Variants in RBMXL1 observed in about 807,000 individuals in gnomAD.
RBMXL1 encodes the protein RNA binding motif protein, X-linked-like-1.
Under a neutral mutation model 29.0 loss-of-function variants are expected in RBMXL1, and 18 were observed. The ratio of observed to expected loss-of-function variants is 0.62; its 90% confidence interval spans 0.43 to 0.92. RBMXL1 has a LOEUF of 0.92. Ranked by LOEUF, RBMXL1 falls within the 40% of genes least tolerant of loss-of-function variation. RBMXL1 has a pLI of 0.00. For missense variants in RBMXL1, 403 were observed against 495.8 expected (o/e 0.81, Z 1.78); for synonymous variants, 141 against 170.4 (o/e 0.83, Z 1.34).
rs764921982 is a variant in RBMXL1 at position 88,980,480 on chromosome 1, A to G, written c.*2174T>C. On this transcript the variant is annotated 3_prime_UTR_variant, in exon 3 of 3. Coordinates refer to ENST00000652648, the MANE Select transcript of RBMXL1 (RefSeq NM_001162536.3). The stretch of plus-strand genomic sequence containing the variant: ...ATTAAGTTTCAATACAAAACATTCC[A>G]AAAAGTGAAAAGTGATCTATAATAC... The G allele has an allele frequency of 2.6e-5, 4 of 152,448 alleles. No homozygotes were observed. Among genetic ancestry groups the G allele is most frequent in the Non-Finnish European group, 5.9e-5 (4 of 68,012 alleles). 9.4% of individuals were successfully genotyped at this position (152,448 alleles called of 1,614,324 possible).
intron 2 of RBMXL1, 117 bp from the exon 3 acceptor site, chr1:88,984,183 A>T (rs1677294834): frequency 4.8e-6 from 1 of 206,676 alleles, no homozygotes; most frequent in Non-Finnish European, 9.7e-6. Context: ...TGTATAATTA[A>T]CAGGAGCCCT....
chr1:88,986,247 A>T (rs1677448003), intron 2 of RBMXL1, among the ~76,000 whole-genome samples: 1 of 151,796 alleles, frequency 6.6e-6, no homozygotes, highest in Non-Finnish European at 1.5e-5. Flanking sequence ...GACAGACCTA[A>T]GGAAAAGGTT....
Position 88,991,521 on chromosome 1 carries a change from C to T in RBMXL1, c.-341+1064G>A, listed in dbSNP as rs545366677. On this transcript the variant is annotated intron_variant, in intron 1 of 2. Coordinates refer to ENST00000652648, the MANE Select transcript of RBMXL1 (RefSeq NM_001162536.3). ...CTTCTAGAATGTTTATAAGGTTCACCGATACAACAGAGGGTATCTAGACGG... is the reference window on the plus strand; with the variant it reads ...CTTCTAGAATGTTTATAAGGTTCACTGATACAACAGAGGGTATCTAGACGG... Among the ~76,000 whole-genome samples the T allele has an allele frequency of 2.4e-4, 37 of 152,240 alleles. 1 individual carries two copies. Among genetic ancestry groups the T allele is most frequent in the African/African-American group, 8.7e-4 (36 of 41,530 alleles).
chr1:88,981,926 T>C lies in RBMXL1; in HGVS notation c.*728A>G, dbSNP rs1226710541. ...AGTGAGACATTAGAGTTGCAAAAAT[T>C]TGAAAGAGTAAGAGCAAGCACCTTT... On this transcript the variant is annotated 3_prime_UTR_variant, in exon 3 of 3. Transcript: ENST00000652648. 1.0e-6 allele frequency: 1 copy of C among 974,130 alleles called. No individual in the cohort carries two copies. The highest frequency in any genetic ancestry group is 1.2e-6 in the Non-Finnish European group (1 of 819,364). 60.3% of individuals were successfully genotyped at this position (974,130 alleles called of 1,614,324 possible).
chr1:88,990,978 C>A (rs1427638647), intron 1 of RBMXL1, among the ~76,000 whole-genome samples: 1 of 152,114 alleles, frequency 6.6e-6, no homozygotes, highest in Non-Finnish European at 1.5e-5. Context: ...TCTAGTTTCT[C>A]CCTAAAAACA....
In RBMXL1 at chr1:88,982,890, AATC is replaced by A. The variant is rs763336239; in HGVS notation, c.934_936del (p.Asp312del). 7 of 1,613,952 alleles carry A rather than the reference AATC, an allele frequency of 4.3e-6. No individual in the cohort carries two copies. Among genetic ancestry groups the A allele is most frequent in the South Asian group, 1.1e-5 (1 of 91,080 alleles). ...CCATATCCATCACGTGAGCTGCTAT[AATC>A]ATCATAGCGACTGCTTCCACCATAA... is the stretch of plus-strand genomic sequence containing the variant. On this transcript the variant is annotated inframe_deletion, in exon 3 of 3. Transcript: ENST00000652648.
chr1:88,982,552 A>C lies in RBMXL1; in HGVS notation c.*102T>G, dbSNP rs1367222423. 6.9e-7 allele frequency: 1 copy of C among 1,451,406 alleles called. No individual in the cohort carries two copies. Among genetic ancestry groups the C allele is most frequent in the Non-Finnish European group, 9.2e-7 (1 of 1,083,198 alleles). 89.9% of individuals were successfully genotyped at this position (1,451,406 alleles called of 1,614,324 possible). ...ACAGGGAATTTAAAAAAGGTAACAC[A>C]ATTTTTCCTTTTAGTAGTCCTTGGG... On this transcript the variant is annotated 3_prime_UTR_variant, in exon 3 of 3. Coordinates refer to ENST00000652648, the MANE Select transcript of RBMXL1 (RefSeq NM_001162536.3).
At chr1:88,991,881 T>C (rs1355078791) in intron 1 of RBMXL1, among the ~76,000 whole-genome samples, 1 of 152,168 alleles carries the variant, frequency 6.6e-6, no homozygotes, top group Non-Finnish European at 1.5e-5. Context: ...TCTGCGCCAC[T>C]CGACTCCAAA....
At position 88,983,443 on chromosome 1, in the gene RBMXL1, G is replaced by T; in HGVS notation, c.384C>A (p.His128Gln). The stretch of plus-strand genomic sequence containing the variant: ...TCATGGAATATCCACCATCATCCAT[G>T]TGTCCTCCTCGTGAAGGAGGTCCCC... ...GTRGPPSRGG[H>Q]MDDGGYSMNF... The change falls in exon 3 of 3, where the codon CAC becomes CAA. Residue 128 changes from histidine to glutamine, a missense_variant. Transcript: ENST00000652648. The T allele has an allele frequency of 6.2e-7, 1 of 1,614,180 alleles. No homozygotes were observed. The highest frequency in any genetic ancestry group is 2.2e-5 in the East Asian group (1 of 44,870).
At position 88,979,944 on chromosome 1, in the gene RBMXL1, A is replaced by G. The variant is rs1676996960; in HGVS notation, c.*2710T>C. 1.3e-5 allele frequency: 2 copies of G among 152,338 alleles called. No homozygotes were observed. Among genetic ancestry groups the G allele is most frequent in the Admixed American group, 1.3e-4 (2 of 15,304 alleles). 9.4% of individuals were successfully genotyped at this position (152,338 alleles called of 1,614,324 possible). A position where few individuals can be genotyped will look rare whatever the true frequency, so the allele number is the denominator to read the frequency against. On this transcript the variant is annotated 3_prime_UTR_variant, in exon 3 of 3. Coordinates refer to ENST00000652648, the MANE Select transcript of RBMXL1 (RefSeq NM_001162536.3). ...AGGTCCATCAACAGGTGAGTAGAAAAACAAATAATGGCATATTCACATAAT... is the reference window on the plus strand; with the variant it reads ...AGGTCCATCAACAGGTGAGTAGAAAGACAAATAATGGCATATTCACATAAT...
At chr1:88,984,645 CCTCT>C (rs1302531873) in intron 2 of RBMXL1, among the ~76,000 whole-genome samples, 1 of 152,148 alleles carries the variant, frequency 6.6e-6, no homozygotes, top group African/African-American at 2.4e-5. Context: ...ATTTGGACTC[CCTCT>C]GAGAGATAAT....
chr1:88,991,751 C>A (rs1204029115), intron 1 of RBMXL1, among the ~76,000 whole-genome samples: 1 of 152,232 alleles, frequency 6.6e-6, no homozygotes, highest in Non-Finnish European at 1.5e-5. Context: ...GGCTGCCTGG[C>A]TGATAGCAGG....
chr1:88,991,953 A>G (rs1270545763), intron 1 of RBMXL1, among the ~76,000 whole-genome samples: 1 of 151,304 alleles, frequency 6.6e-6, no homozygotes, highest in Non-Finnish European at 1.5e-5. Context: ...TTCATTTATA[A>G]GGCAACGTAA....
chr1:88,988,248 C>T lies in RBMXL1; in HGVS notation c.-241+4G>A. 1 of 1,593,796 alleles carries T rather than the reference C, an allele frequency of 6.3e-7. No individual in the cohort carries two copies. ...TAATTTATCTGTAAGTAAGCAATAC[C>T]TACAGCAGAAGTAGAGAATCCGAGG... On this transcript the variant is annotated splice_donor_region_variant and intron_variant, in intron 2 of 2. Coordinates refer to ENST00000652648, the MANE Select transcript of RBMXL1 (RefSeq NM_001162536.3).
intron 2 of RBMXL1, among the ~76,000 whole-genome samples, chr1:88,986,721 A>G (rs944578683): frequency 6.6e-6 from 1 of 152,206 alleles, no homozygotes; most frequent in Non-Finnish European, 1.5e-5. Context: ...GCAGATTTTC[A>G]TGACATTAAG....
rs761978812 is a variant in RBMXL1, at chr1:88,983,643, C to T, written c.184G>A (p.Ala62Thr). The change falls in exon 3 of 3, where the codon GCT (alanine) becomes ACT (threonine). Residue 62 changes from alanine to threonine, a missense_variant. Transcript: ENST00000652648. Reference protein sequence around the residue: ...AFVTFESPADAKDAARDMNGK... With the variant: ...AFVTFESPADTKDAARDMNGK... The stretch of plus-strand genomic sequence containing the variant: ...TTCATGTCTCTGGCTGCATCCTTAG[C>T]GTCTGCTGGGCTTTCAAAGGTGACA... The T allele has an allele frequency of 3.1e-6, 5 of 1,613,900 alleles. No homozygotes were observed. The highest frequency in any genetic ancestry group is 3.4e-6 in the Non-Finnish European group (4 of 1,180,034).
chr1:88,988,399 T>G, intron 1 of RBMXL1, 48 bp from the exon 2 acceptor site: 1 of 1,041,544 alleles, frequency 9.6e-7, no homozygotes, highest in Non-Finnish European at 1.5e-6. Flanking sequence ...ATATGATGGG[T>G]ACATCACTAT....
intron 2 of RBMXL1, among the ~76,000 whole-genome samples, chr1:88,986,284 C>T (rs1308017344): frequency 6.6e-6 from 1 of 150,812 alleles, no homozygotes; most frequent in Admixed American, 6.6e-5. Flanking sequence ...TTGCGCTTCT[C>T]TGGTGGACAT....
In RBMXL1 at chr1:88,981,546, T is replaced by G. The variant is rs1224269130; in HGVS notation, c.*1108A>C. The G allele has an allele frequency of 6.4e-6, 1 of 156,194 alleles. No homozygotes were observed. The highest frequency in any genetic ancestry group is 2.4e-5 in the African/African-American group (1 of 41,538). The allele number at this position is 156,194 out of a possible 1,614,324, so 9.7% of individuals were successfully genotyped here. On this transcript the variant is annotated 3_prime_UTR_variant, in exon 3 of 3. Transcript: ENST00000652648. Reference sequence around the variant, plus strand: ...GTGTTAATCAACACTGATGCCTTCCTGAGATCCACAGGAACCCTTGAAGGC... The same window carrying G: ...GTGTTAATCAACACTGATGCCTTCCGGAGATCCACAGGAACCCTTGAAGGC...
Sources: allele counts gnomAD v4.1 joint callset (sites outside exome capture counted in the v4.1 genomes callset), GRCh38; gene constraint gnomAD v4.1.1; transcripts MANE v1.5; gene names NCBI Gene and HGNC (gene_info 2026-07-23, HGNC 2026-07-21).